CCDC57: variants seen among roughly 807,000 people sequenced by gnomAD.
CCDC57 encodes coiled-coil domain containing 57.
In CCDC57, 118 loss-of-function variants were observed where a neutral mutation model predicts 118.9. The ratio of observed to expected loss-of-function variants is 0.99; its 90% CI spans 0.86 to 1.16. The LOEUF (loss-of-function observed/expected upper bound fraction) is 1.16. CCDC57 is among the 50% of genes most tolerant of loss of function. The probability of loss-of-function intolerance (pLI) is 0.00; values close to 1 mark genes in which losing one functional copy is unlikely to be tolerated. For missense variants in CCDC57, 1,300 were observed against 1,320.7 expected, an observed-to-expected ratio of 0.98 and a Z score of 0.24; for synonymous variants, 527 against 532.9, an observed-to-expected ratio of 0.99 and a Z score of 0.15.
At chr17:82,201,720 G>T (rs377130098) in exon 3 of CCDC57, 22 of 1,613,842 alleles carry the variant, frequency 1.4e-5, no homozygotes, top group Non-Finnish European at 1.4e-5. Context: ...CGAAGGCGGC[G>T]TCATAGCGCT....
At position 82,198,723 on chromosome 17, in the gene CCDC57, G is replaced by T. The variant is rs1182274542; in HGVS notation, c.408-301C>A. On this transcript the variant is annotated intron_variant, in intron 3 of 19. Transcript: ENST00000665763. ...CGGAAAGATCTGACCAGGCCCAGTG[G>T]CTCACGCCTGTAATCCCAGCACTTT... is the stretch of plus-strand genomic sequence containing the variant. Among the ~76,000 whole-genome samples, 3 of 152,038 alleles carry T rather than the reference G, an allele frequency of 2.0e-5. No individual in the cohort carries two copies. The East Asian group carries it at 5.8e-4, about 29-fold the overall frequency.
chr17:82,153,233 G>A (rs2042278062), intron 15 of CCDC57, among the ~76,000 whole-genome samples: 1 of 152,224 alleles, frequency 6.6e-6, no homozygotes, highest in African/African-American at 2.4e-5. Context: ...CCTGGGGCTG[G>A]GGGAGAGGGG....
At chr17:82,149,715 C>T (rs1226063015) in intron 16 of CCDC57, among the ~76,000 whole-genome samples, 1 of 151,130 alleles carries the variant, frequency 6.6e-6, no homozygotes, top group South Asian at 2.1e-4. Context: ...CTCCCACTGA[C>T]CCCAGGCGCA....
intron 19 of CCDC57, chr17:82,107,630 A>T (rs1044574210): frequency 1.1e-5 from 5 of 469,400 alleles, no homozygotes; most frequent in African/African-American, 8.0e-5. Flanking sequence ...CCCTGTTGTG[A>T]CAGGAGAAGG....
In CCDC57 at chr17:82,211,278, A is replaced by G. The variant is rs375116053; in HGVS notation, c.-211+1507T>C. Among the ~76,000 whole-genome samples, 25 of 152,212 alleles carry G rather than the reference A, an allele frequency of 1.6e-4. No individual in the cohort carries two copies. In the South Asian group the frequency reaches 5.0e-3, roughly 30 times the overall value. ...AATATGAAATCAATTATGACAAAAC[A>G]TCAGAGAAATGCCCCCGAACTGGGG... On this transcript the variant is annotated intron_variant, in intron 1 of 19. Coordinates refer to ENST00000665763, the Ensembl canonical transcript of CCDC57.
intron 19 of CCDC57, among the ~76,000 whole-genome samples, chr17:82,124,078 G>A (rs2037101039): frequency 6.6e-6 from 1 of 152,080 alleles, no homozygotes; most frequent in Non-Finnish European, 1.5e-5. Context: ...GGTGGCGGGG[G>A]CTACCAAAGG....
At position 82,171,866 on chromosome 17, in the gene CCDC57, C is replaced by A. The variant is rs2044783057; in HGVS notation, c.1730-13G>T. 1 of 1,609,506 alleles carries A rather than the reference C, an allele frequency of 6.2e-7. No individual in the cohort carries two copies. Among genetic ancestry groups the A allele is most frequent in the Non-Finnish European group, 8.5e-7 (1 of 1,176,286 alleles). The stretch of plus-strand genomic sequence containing the variant: ...GCCAGAACATAATCTGCCAAAAAAA[C>A]CTCCAGTGAATATAACACATACACA... On this transcript the variant is annotated splice_polypyrimidine_tract_variant and intron_variant, in intron 12 of 19. Coordinates refer to ENST00000665763, the Ensembl canonical transcript of CCDC57.
chr17:82,198,527 T>C, intron 3 of CCDC57, 105 bp from the exon 3 acceptor site: 3 of 780,120 alleles, frequency 3.8e-6, no homozygotes, highest in South Asian at 3.4e-5. Context: ...TTTGCTTTTA[T>C]GAAGGGGTGG....
intron 8 of CCDC57, among the ~76,000 whole-genome samples, chr17:82,186,617 A>G (rs180755707): frequency 6.6e-5 from 10 of 152,226 alleles, no homozygotes; most frequent in African/African-American, 2.4e-4. Flanking sequence ...TAGTTCTAAG[A>G]GCCATTTCCC....
chr17:82,109,377 G>C (rs986151079), intron 19 of CCDC57, among the ~76,000 whole-genome samples: 2 of 152,248 alleles, frequency 1.3e-5, no homozygotes, highest in African/African-American at 4.8e-5. Context: ...GACAAAATTA[G>C]AATGTGTAAC....
chr17:82,172,855 A>T lies in CCDC57; in HGVS notation c.1512T>A (p.Leu504=). 1 of 1,610,230 alleles carries T rather than the reference A, an allele frequency of 6.2e-7. No homozygotes were observed. The highest frequency in any genetic ancestry group is 8.5e-7 in the Non-Finnish European group (1 of 1,178,346). Residue 504 remains leucine, a synonymous_variant, in exon 12 of 20, where the codon CTT becomes CTA. Transcript: ENST00000665763. This position sits in a 1 kb window ranked among gnomAD's most constrained non-coding sequence, Gnocchi z 5.2. ...TTATTTCTTCTTCATGCTGCCTGAG[A>T]AGCATCTGTCAAATACAAGGAAAAA...
intron 19 of CCDC57, among the ~76,000 whole-genome samples, chr17:82,102,900 CAAA>C (rs1237887329): frequency 6.8e-6 from 1 of 146,646 alleles, no homozygotes; most frequent in Non-Finnish European, 1.5e-5. Flanking sequence ...AAAAAAAAAA[CAAA>C]AAAAACCCCA....
rs9900058 is a variant in CCDC57 at position 82,134,623 on chromosome 17, G to A, written c.2456-429C>T. On this transcript the variant is annotated intron_variant, in intron 16 of 19. Coordinates refer to ENST00000665763, the Ensembl canonical transcript of CCDC57. ...AGCCTGGCCAACATGGTGAAACTCC[G>A]TCTCTACTAAAAATACAAAAATTAG... Among the ~76,000 whole-genome samples the A allele has an allele frequency of 3.3e-3, 498 of 152,142 alleles. 1 individual carries two copies. The highest frequency in any genetic ancestry group is 0.011 in the African/African-American group (471 of 41,472).
intron 13 of CCDC57, among the ~76,000 whole-genome samples, chr17:82,166,924 C>T (rs923054472): frequency 6.6e-6 from 1 of 151,796 alleles, no homozygotes; most frequent in Non-Finnish European, 1.5e-5. Context: ...TCAAAAACAA[C>T]AACCACAACA....
Position 82,206,598 on chromosome 17 carries a change from T to C in CCDC57, c.-9+1249A>G, listed in dbSNP as rs117835224. ...TCCAGGAAGCCTCTTCCCCCATATC[T>C]CCCCTTACGCATCTCCTCATCTGTA... is the stretch of plus-strand genomic sequence containing the variant. On this transcript the variant is annotated intron_variant, in intron 2 of 19. Transcript: ENST00000665763. 6.2e-3 allele frequency among the ~76,000 whole-genome samples: 947 copies of C among 152,182 alleles called. 10 individuals are homozygous for C. The highest frequency in any genetic ancestry group is 0.027 in the Middle Eastern group (8 of 294).
chr17:82,151,147 G>GAACGAGGCGCACACCCAGAACCTGACCCA (rs778159567), intron 16 of CCDC57, among the ~76,000 whole-genome samples: 1 of 36,778 alleles, frequency 2.7e-5, no homozygotes, highest in Non-Finnish European at 4.5e-5. Flanking sequence ...AACCTGACCC[G>GAACGAGGCGCACACCCAGAACCTGACCCA]CACCTAGAAC....
chr17:82,210,211 C>G (rs1379156184), intron 1 of CCDC57, among the ~76,000 whole-genome samples: 2 of 152,012 alleles, frequency 1.3e-5, no homozygotes, highest in East Asian at 3.9e-4. Flanking sequence ...ACCGAGACCG[C>G]GCCCCTGCAA....
chr17:82,146,709 A>G (rs2145690235), intron 16 of CCDC57, among the ~76,000 whole-genome samples: 1 of 152,324 alleles, frequency 6.6e-6, no homozygotes, highest in Admixed American at 6.5e-5. Context: ...AGTCCTCCCT[A>G]TGGATGTGTG....
chr17:82,198,766 G>A lies in CCDC57; in HGVS notation c.408-344C>T, dbSNP rs558674920. ...AGCACTTTGGGAGGCCGAGGTGGGC[G>A]GATCACAAGGTCAGGAGATCGAGAG... is the stretch of plus-strand genomic sequence containing the variant. On this transcript the variant is annotated intron_variant, in intron 3 of 19. Transcript: ENST00000665763. Among the ~76,000 whole-genome samples, 309 of 152,052 alleles carry A rather than the reference G, an allele frequency of 2.0e-3. 1 individual carries two copies. Among genetic ancestry groups the A allele is most frequent in the African/African-American group, 7.2e-3 (297 of 41,496 alleles).
Sources: allele counts gnomAD v4.1 joint callset (sites outside exome capture counted in the v4.1 genomes callset), GRCh38; gene constraint gnomAD v4.1.1; non-coding constraint Gnocchi (gnomAD v3.1); transcripts MANE v1.5; gene names NCBI Gene and HGNC (gene_info 2026-07-23, HGNC 2026-07-21).